Variants in ROR2 observed in about 807,000 individuals in gnomAD.
ROR2 encodes ROR family WNT receptor 2, also known as tyrosine-protein kinase transmembrane receptor ROR2.
In ROR2, 33 loss-of-function variants were observed where a neutral mutation model predicts 74.9. The observed-to-expected ratio is 0.44, with a 90% CI of 0.33 to 0.59. The LOEUF is 0.59. Among genes scored for constraint, ROR2 ranks in the 20% least tolerant of loss-of-function variants. The probability of loss-of-function intolerance (pLI) is 0.02; values close to 1 mark genes in which losing one functional copy is unlikely to be tolerated. For missense variants in ROR2, 1,216 were observed against 1,313.8 expected (o/e 0.93, Z 1.15); for synonymous variants, 586 against 558.7 (o/e 1.05, Z -0.69).
Position 91,755,054 on chromosome 9 carries a change from C to T in ROR2, c.494+1017G>A, listed in dbSNP as rs538623049. Among the ~76,000 whole-genome samples, 21 of 152,252 alleles carry T rather than the reference C, an allele frequency of 1.4e-4. No homozygotes were observed. In the South Asian group the frequency reaches 3.5e-3, roughly 26 times the overall value. On this transcript the variant is annotated intron_variant, in intron 4 of 8. Coordinates refer to ENST00000375708, the MANE Select transcript of ROR2 (RefSeq NM_004560.4). Reference sequence around the variant, plus strand: ...CCTGCAGTCCCAGCTACTTGGGAGGCTGAAGGGGGAGGATGGCCTGAGCCC... The same window carrying T: ...CCTGCAGTCCCAGCTACTTGGGAGGTTGAAGGGGGAGGATGGCCTGAGCCC...
intron 1 of ROR2, among the ~76,000 whole-genome samples, chr9:91,926,543 CAA>C (rs34550588): frequency 3.8e-4 from 38 of 101,104 alleles, no homozygotes; most frequent in Middle Eastern, 5.9e-3. Flanking sequence ...GACTCCATCT[CAA>C]AAAAAAAAAA....
At chr9:91,787,198 C>A (rs1826832972) in intron 1 of ROR2, among the ~76,000 whole-genome samples, 1 of 152,180 alleles carries the variant, frequency 6.6e-6, no homozygotes, top group African/African-American at 2.4e-5. Flanking sequence ...AGATGTGACC[C>A]CACAGAATCC....
At chr9:91,822,522 A>G (rs566042552) in intron 1 of ROR2, among the ~76,000 whole-genome samples, 2 of 152,372 alleles carry the variant, frequency 1.3e-5, no homozygotes, top group Admixed American at 6.5e-5. Context: ...TCAGCCATCA[A>G]TGATTCTCAA....
At chr9:91,900,322 A>G (rs4275276) in intron 1 of ROR2, among the ~76,000 whole-genome samples, 44,919 of 152,140 alleles carry the variant, frequency 0.3, 7,080 homozygotes, top group Admixed American at 0.47. Flanking sequence ...CGGCAGACGC[A>G]AGTCCTCCAG....
At chr9:91,878,571 C>T (rs1385726760) in intron 1 of ROR2, among the ~76,000 whole-genome samples, 1 of 152,228 alleles carries the variant, frequency 6.6e-6, no homozygotes, top group Admixed American at 6.5e-5. Context: ...AAGCTCCCCC[C>T]TTGCACATCC....
intron 1 of ROR2, among the ~76,000 whole-genome samples, chr9:91,933,565 A>T (rs1204687625): frequency 1.3e-5 from 2 of 152,220 alleles, no homozygotes; most frequent in Non-Finnish European, 2.9e-5. Context: ...GTTTTTAAAA[A>T]TGAGGTAGCC....
intron 1 of ROR2, among the ~76,000 whole-genome samples, chr9:91,949,084 C>G (rs936569141): frequency 1.6e-4 from 25 of 151,940 alleles, no homozygotes; most frequent in South Asian, 8.3e-4. Flanking sequence ...CGGGCCCCGC[C>G]CCTCCCGCCG....
intron 1 of ROR2, among the ~76,000 whole-genome samples, chr9:91,921,953 C>CA (rs58497723): frequency 0.14 from 20,239 of 141,532 alleles, 3,069 homozygotes; most frequent in African/African-American, 0.39. Flanking sequence ...GACATTTCTC[C>CA]AAAAAAAAAA....
intron 1 of ROR2, among the ~76,000 whole-genome samples, chr9:91,922,195 C>T (rs1300887742): frequency 1.3e-5 from 2 of 151,978 alleles, no homozygotes; most frequent in Admixed American, 6.6e-5. Context: ...TGGAATACTG[C>T]TGGTGAGAAT....
intron 1 of ROR2, among the ~76,000 whole-genome samples, chr9:91,869,805 G>A (rs1829743570): frequency 6.6e-6 from 1 of 152,012 alleles, no homozygotes; most frequent in Non-Finnish European, 1.5e-5. Flanking sequence ...ATCTATTTCG[G>A]TGTACTAACT....
chr9:91,886,309 C>G (rs1174059647), intron 1 of ROR2, among the ~76,000 whole-genome samples: 2 of 152,174 alleles, frequency 1.3e-5, no homozygotes, highest in African/African-American at 2.4e-5. Context: ...GGGGACCCAC[C>G]AGGGCCATCA....
At chr9:91,909,937 C>A (rs1484951190) in intron 1 of ROR2, among the ~76,000 whole-genome samples, 1 of 137,368 alleles carries the variant, frequency 7.3e-6, no homozygotes, top group Non-Finnish European at 1.5e-5. Context: ...ATCCAGCTCA[C>A]TATAACCTCC....
chr9:91,903,913 G>C (rs1264051406), intron 1 of ROR2, among the ~76,000 whole-genome samples: 1 of 152,196 alleles, frequency 6.6e-6, no homozygotes, highest in African/African-American at 2.4e-5. Flanking sequence ...AATACAGTCA[G>C]TGAACAGCTG....
At chr9:91,939,404 G>A (rs1831788827) in intron 1 of ROR2, among the ~76,000 whole-genome samples, 1 of 152,228 alleles carries the variant, frequency 6.6e-6, no homozygotes, top group Non-Finnish European at 1.5e-5. Context: ...GAGTCAAAGA[G>A]CTTGGGATAA....
intron 4 of ROR2, among the ~76,000 whole-genome samples, chr9:91,749,543 C>T (rs747395666): frequency 6.6e-6 from 1 of 152,200 alleles, no homozygotes; most frequent in African/African-American, 2.4e-5. Flanking sequence ...AAACACATTT[C>T]AGTCCATAGC....
rs752582656 is a variant in ROR2 at position 91,949,971 on chromosome 9, G to A, written c.-8C>T. ...CGCCGAGCCCCGGGCCATGCCGCAG[G>A]CAGTGGGGGCCGGGAAGCCCTCAGA... is the stretch of plus-strand genomic sequence containing the variant. On this transcript the variant is annotated 5_prime_UTR_variant, in exon 1 of 9. Transcript: ENST00000375708. 10 of 1,441,154 alleles carry A rather than the reference G, an allele frequency of 6.9e-6. No homozygotes were observed. The South Asian group carries it at 1.4e-4, about 20-fold the overall frequency. 89.3% of individuals were successfully genotyped at this position (1,441,154 alleles called of 1,614,324 possible).
At chr9:91,746,691 C>T (rs1034928766) in intron 4 of ROR2, among the ~76,000 whole-genome samples, 2 of 152,064 alleles carry the variant, frequency 1.3e-5, no homozygotes, top group East Asian at 1.9e-4. Flanking sequence ...CAAGGAGTCC[C>T]GGGTCACAAA....
intron 1 of ROR2, among the ~76,000 whole-genome samples, chr9:91,885,240 CG>C (rs1286333557): frequency 1.3e-5 from 2 of 151,612 alleles, no homozygotes; most frequent in Middle Eastern, 3.4e-3. Context: ...GAGAACAAAG[CG>C]GGAAGGCAAA....
intron 1 of ROR2, among the ~76,000 whole-genome samples, chr9:91,799,243 G>A (rs952674325): frequency 6.6e-6 from 1 of 152,152 alleles, no homozygotes; most frequent in Non-Finnish European, 1.5e-5. Flanking sequence ...CACTGCCAAA[G>A]CCGAAGACAT....
Sources: allele counts gnomAD v4.1 joint callset (sites outside exome capture counted in the v4.1 genomes callset), GRCh38; gene constraint gnomAD v4.1.1; transcripts MANE v1.5; gene names NCBI Gene and HGNC (gene_info 2026-07-23, HGNC 2026-07-21).